Variants in FAM174B observed in about 807,000 individuals in gnomAD.
FAM174B encodes membrane protein FAM174B.
In FAM174B, 12 loss-of-function variants were observed where a neutral mutation model predicts 10.9. The ratio of observed to expected loss-of-function variants is 1.10; its 90% CI spans 0.71 to 1.79. The LOEUF (loss-of-function observed/expected upper bound fraction) is 1.79. Ranked by LOEUF, FAM174B falls within the 40% of genes most tolerant of loss-of-function variation. The pLI, the probability that FAM174B is intolerant of heterozygous loss-of-function variation, is 0.00. For synonymous variants in FAM174B, 132 were observed against 115.8 expected, an observed-to-expected ratio of 1.14 and a Z score of -0.90; for missense variants, 266 against 233.3, an observed-to-expected ratio of 1.14 and a Z score of -0.91.
At chr15:92,636,409 C>T (rs546756413) in intron 1 of FAM174B, among the ~76,000 whole-genome samples, 15 of 152,294 alleles carry the variant, frequency 9.8e-5, no homozygotes, top group Admixed American at 2.6e-4. Context: ...ATCTAAAGCA[C>T]GCTTCAAGGC....
intron 1 of FAM174B, among the ~76,000 whole-genome samples, chr15:92,641,493 G>C (rs2050891450): frequency 6.6e-6 from 1 of 152,102 alleles, no homozygotes; most frequent in African/African-American, 2.4e-5. Flanking sequence ...TGAATGAAGA[G>C]CTTTTTAGGA....
intron 2 of FAM174B, among the ~76,000 whole-genome samples, chr15:92,626,725 C>T (rs145580838): frequency 6.6e-6 from 1 of 152,116 alleles, no homozygotes; most frequent in Non-Finnish European, 1.5e-5. Context: ...TACTAAGGTG[C>T]TTCAGGGAGC....
At chr15:92,636,865 CTT>C (rs1263535721) in intron 1 of FAM174B, among the ~76,000 whole-genome samples, 1 of 152,238 alleles carries the variant, frequency 6.6e-6, no homozygotes, top group African/African-American at 2.4e-5. Context: ...CCAAAAAACT[CTT>C]TGCCCTCCCT....
At chr15:92,649,346 G>A (rs2050949410) in intron 1 of FAM174B, among the ~76,000 whole-genome samples, 1 of 152,226 alleles carries the variant, frequency 6.6e-6, no homozygotes, top group Non-Finnish European at 1.5e-5. Flanking sequence ...GAGTAGTCAA[G>A]GAGGCTCACT....
At chr15:92,634,269 C>G (rs935071536) in intron 1 of FAM174B, 1 of 152,264 alleles carries the variant, frequency 6.6e-6, no homozygotes, top group Non-Finnish European at 1.5e-5. Context: ...TCAGGCACCA[C>G]AAAGCCCAGA....
intron 1 of FAM174B, among the ~76,000 whole-genome samples, chr15:92,649,984 C>T (rs1269114017): frequency 6.6e-6 from 1 of 152,158 alleles, no homozygotes; most frequent in Non-Finnish European, 1.5e-5. Flanking sequence ...GCTAACAAGT[C>T]CCACAACCTC....
Position 92,617,551 on chromosome 15 carries a change from C to T in FAM174B, c.*1905G>A. 5.7e-6 allele frequency: 3 copies of T among 524,048 alleles called. No individual in the cohort carries two copies. Among genetic ancestry groups the T allele is most frequent in the Non-Finnish European group, 1.0e-5 (3 of 298,076 alleles). 32.5% of individuals were successfully genotyped at this position (524,048 alleles called of 1,614,324 possible). On this transcript the variant is annotated 3_prime_UTR_variant, in exon 3 of 3. Coordinates refer to ENST00000327355, the MANE Select transcript of FAM174B (RefSeq NM_207446.3). ...CCGCCATTTCTGCCAGGACCAGTGG[C>T]AAGCACCTGGCAGATGGAGCCCGGG... is the stretch of plus-strand genomic sequence containing the variant.
chr15:92,626,254 G>A (rs773453201), intron 2 of FAM174B, among the ~76,000 whole-genome samples: 2 of 151,702 alleles, frequency 1.3e-5, no homozygotes, highest in African/African-American at 4.8e-5. Flanking sequence ...GCCAGCCACC[G>A]TGCCCGGCTA....
chr15:92,630,435 G>A (rs902743601), intron 1 of FAM174B, 90 bp from the exon 2 acceptor site: 1 of 1,260,372 alleles, frequency 7.9e-7, no homozygotes, highest in Non-Finnish European at 1.1e-6. Flanking sequence ...CAGCAACTTA[G>A]CAGCTGGTGT....
chr15:92,655,649 A>T lies in FAM174B; in HGVS notation c.11T>A (p.Val4Glu). The change falls in exon 1 of 3, where the codon GTG becomes GAG. Residue 4 changes from valine to glutamate, a missense_variant. Val to Glu is a moderately radical substitution (Grantham distance 121). Transcript: ENST00000327355. ...CGGCAGGAGCGGGGCGGGCAGCGGC[A>T]CGGCGCGCATAGTGCGGTGGGTCGG... MRA[V>E]PLPAPLLPLL... The T allele has an allele frequency of 8.0e-7, 1 of 1,254,998 alleles. No individual in the cohort carries two copies. Among genetic ancestry groups the T allele is most frequent in the South Asian group, 3.4e-5 (1 of 29,604 alleles). 77.7% of individuals were successfully genotyped at this position (1,254,998 alleles called of 1,614,324 possible). A position where few individuals can be genotyped will look rare whatever the true frequency, so the allele number is the denominator to read the frequency against.
At chr15:92,622,823 CT>C (rs1418182987) in intron 2 of FAM174B, among the ~76,000 whole-genome samples, 1 of 152,222 alleles carries the variant, frequency 6.6e-6, no homozygotes, top group African/African-American at 2.4e-5. Context: ...CCACAGCACC[CT>C]GTTCCTTCCT....
chr15:92,638,644 G>C (rs931070945), intron 1 of FAM174B, among the ~76,000 whole-genome samples: 1 of 152,190 alleles, frequency 6.6e-6, no homozygotes, highest in African/African-American at 2.4e-5. Context: ...CAAGCCTCTC[G>C]TCATGAACCC....
intron 2 of FAM174B, chr15:92,627,263 T>C (rs1019965681): frequency 4.5e-5 from 7 of 156,022 alleles, no homozygotes; most frequent in African/African-American, 1.4e-4. Flanking sequence ...CTTGGACTTA[T>C]CTGTTAACTT....
chr15:92,623,462 C>T lies in FAM174B; in HGVS notation c.477-4003G>A, dbSNP rs1345040027. On this transcript the variant is annotated intron_variant, in intron 2 of 2. Transcript: ENST00000327355. ...CTATAGGAAGTGAAGGCATATTTAG[C>T]TGCCACCGCCCAGGCTTATTCAGAT... Among the ~76,000 whole-genome samples the T allele has an allele frequency of 2.0e-5, 3 of 152,350 alleles. No individual in the cohort carries two copies. The East Asian group carries it at 5.8e-4, about 29-fold the overall frequency.
At chr15:92,619,941 T>A in intron 2 of FAM174B, 1 of 163,432 alleles carries the variant, frequency 6.1e-6, no homozygotes, top group African/African-American at 2.4e-5. Context: ...AAATTTGAAT[T>A]GCATGTTACT....
intron 1 of FAM174B, 91 bp downstream of exon 1, chr15:92,655,225 T>TG: frequency 7.0e-7 from 1 of 1,435,420 alleles, no homozygotes; most frequent in Non-Finnish European, 9.1e-7. Flanking sequence ...AGGGCACCTG[T>TG]GCGTGCAGGT....
Position 92,630,306 on chromosome 15 carries a change from G to A in FAM174B, c.384C>T (p.Ile128=), listed in dbSNP as rs748594704. 2 of 1,613,620 alleles carry A rather than the reference G, an allele frequency of 1.2e-6. No homozygotes were observed. Residue 128 remains isoleucine (I), a synonymous_variant, in exon 2 of 3, where the codon ATC becomes ATT. Coordinates refer to ENST00000327355, the MANE Select transcript of FAM174B (RefSeq NM_207446.3). The part of the protein sequence containing the change: ...KRLKKTRKYD[I]ITTPAERVEM... ...CCACTCGCTCTGCTGGAGTGGTGAT[G>A]ATATCATACTTGCGTGTCTTCTTTA... is the stretch of plus-strand genomic sequence containing the variant.
Position 92,630,315 on chromosome 15 carries a change from CT to C in FAM174B, c.374del (p.Lys125SerfsTer17). ...RSGKRLKKTR[K>X]YDIITTPAER... ...CTGCTGGAGTGGTGATGATATCATA[CT>C]TGCGTGTCTTCTTTAACCTCTTTCC... On this transcript the variant is annotated frameshift_variant, in exon 2 of 3. Transcript: ENST00000327355. LOFTEE classifies it high-confidence loss of function. The C allele has an allele frequency of 6.2e-7, 1 of 1,613,636 alleles. No individual in the cohort carries two copies.
intron 1 of FAM174B, 25 bp downstream of exon 1, chr15:92,655,291 G>A: frequency 6.6e-7 from 1 of 1,517,412 alleles, no homozygotes; most frequent in East Asian, 2.7e-5. Context: ...GCCGGCGGGG[G>A]AAGGAAGAGG....
Sources: gnomAD v4.1 joint callset for allele counts (sites outside exome capture counted in the v4.1 genomes callset) on GRCh38, gnomAD v4.1.1 for gene constraint, MANE v1.5 for transcripts, NCBI Gene and HGNC (gene_info 2026-07-23, HGNC 2026-07-21) for gene names.